The following TANGO6 variants were observed in gnomAD, a reference collection of about 807,000 sequenced individuals.
The protein encoded by TANGO6 is transport and golgi organization 6 homolog, also known as transport and Golgi organization protein 6 homolog.
TANGO6 carries 90 observed loss-of-function variants against 114.2 expected under a neutral mutation model. The observed-to-expected ratio is 0.79, with a 90% CI of 0.66 to 0.94. TANGO6 has a LOEUF of 0.94. Ranked by LOEUF, TANGO6 falls within the 40% of genes least tolerant of loss-of-function variation. The pLI is 0.00. For missense variants in TANGO6, 1,274 were observed against 1,315.3 expected (o/e 0.97, Z 0.49); for synonymous variants, 477 against 509.8 (o/e 0.94, Z 0.87).
chr16:68,891,560 A>T (rs1962621628), intron 7 of TANGO6, among the ~76,000 whole-genome samples: 2 of 152,138 alleles, frequency 1.3e-5, no homozygotes, highest in South Asian at 4.1e-4. Context: ...TTTATTCTTA[A>T]TGTTTTTGAC....
intron 15 of TANGO6, among the ~76,000 whole-genome samples, chr16:68,976,593 AT>A (rs1437096137): frequency 6.6e-6 from 1 of 152,238 alleles, no homozygotes; most frequent in Non-Finnish European, 1.5e-5. Context: ...AGATTCATTT[AT>A]TTAACCTGTG....
At chr16:69,007,314 G>C (rs1186327285) in intron 15 of TANGO6, among the ~76,000 whole-genome samples, 1 of 141,990 alleles carries the variant, frequency 7.0e-6, no homozygotes, top group Non-Finnish European at 1.5e-5. Context: ...CTGTCACCCA[G>C]GCTGGAGTGC....
intron 14 of TANGO6, among the ~76,000 whole-genome samples, chr16:68,939,590 T>C (rs940218668): frequency 6.6e-6 from 1 of 151,932 alleles, no homozygotes. Flanking sequence ...TTTTTTTTTT[T>C]TTTTTGCCAT....
At chr16:68,922,422 G>A (rs1253976333) in intron 12 of TANGO6, among the ~76,000 whole-genome samples, 1 of 152,070 alleles carries the variant, frequency 6.6e-6, no homozygotes, top group African/African-American at 2.4e-5. Context: ...TATAATCCCA[G>A]CTACTTGGGA....
At chr16:68,909,608 C>T (rs1962897289) in intron 11 of TANGO6, 2 of 396,048 alleles carry the variant, frequency 5.0e-6, no homozygotes, top group South Asian at 1.4e-4. Context: ...GTTTAACAAG[C>T]TCCCGAGGTG....
At chr16:68,860,639 C>A in intron 2 of TANGO6, 115 bp downstream of exon 2, 1 of 1,271,464 alleles carries the variant, frequency 7.9e-7, no homozygotes, top group Non-Finnish European at 1.1e-6. Flanking sequence ...CTGGATATGC[C>A]AAAGCATATC....
intron 15 of TANGO6, among the ~76,000 whole-genome samples, chr16:68,989,448 T>G (rs930417681): frequency 1.3e-5 from 2 of 152,164 alleles, no homozygotes; most frequent in African/African-American, 4.8e-5. Context: ...TATTTTGCAT[T>G]TCTAGAATTT....
intron 15 of TANGO6, among the ~76,000 whole-genome samples, chr16:68,980,867 C>T (rs1356517293): frequency 9.9e-5 from 15 of 151,680 alleles, no homozygotes; most frequent in Non-Finnish European, 4.4e-5. Context: ...TAGTGGCGGG[C>T]GCCTGTAGTG....
intron 14 of TANGO6, among the ~76,000 whole-genome samples, chr16:68,947,182 G>A (rs902025604): frequency 1.3e-5 from 2 of 152,114 alleles, no homozygotes; most frequent in African/African-American, 4.8e-5. Flanking sequence ...TAAAGGCTGG[G>A]CGCAGTGGCT....
intron 11 of TANGO6, among the ~76,000 whole-genome samples, chr16:68,917,226 T>G (rs1223664233): frequency 6.6e-6 from 1 of 152,174 alleles, no homozygotes; most frequent in Non-Finnish European, 1.5e-5. Flanking sequence ...TCCATGTCTT[T>G]TCATAGCTTG....
rs560249080 is a variant in TANGO6 at position 68,917,707 on chromosome 16, AT to A, written c.1993-1374del. ...TCATATGCTTTTTTGCCGTCTGTATATTTTCTTTGGTGAGATGTCGGTTCAG... is the reference window on the plus strand; with the variant it reads ...TCATATGCTTTTTTGCCGTCTGTATATTTCTTTGGTGAGATGTCGGTTCAG... On this transcript the variant is annotated intron_variant, in intron 11 of 17. Transcript: ENST00000261778. Among the ~76,000 whole-genome samples, 624 of 151,920 alleles carry A rather than the reference AT, an allele frequency of 4.1e-3. 5 individuals carry two copies. The highest frequency in any genetic ancestry group is 0.014 in the African/African-American group (594 of 41,446).
intron 15 of TANGO6, among the ~76,000 whole-genome samples, chr16:68,980,970 G>A (rs185800343): frequency 6.6e-6 from 1 of 152,002 alleles, no homozygotes; most frequent in African/African-American, 2.4e-5. Context: ...CTACAGCCTG[G>A]TCAACAGAGT....
intron 17 of TANGO6, among the ~76,000 whole-genome samples, chr16:69,081,958 G>A (rs1443517993): frequency 6.8e-6 from 1 of 148,120 alleles, no homozygotes; most frequent in East Asian, 2.0e-4. Context: ...CTCGCCCTCT[G>A]AGTAGCTGAG....
At position 68,927,886 on chromosome 16, in the gene TANGO6, A is replaced by G; in HGVS notation, c.2446A>G (p.Ile816Val). ...QTGLQSNAPI[I>V]PQGVNEPSTT... ...AGGCCTGCAGTCAAATGCTCCAATC[A>G]TTCCTCAAGGAGTCAATGAGCCCAG... Residue 816 changes from isoleucine to valine, a missense_variant, in exon 13 of 18, where the codon ATT (isoleucine) becomes GTT (valine). Ile to Val is a conservative substitution (Grantham distance 29, BLOSUM62 3). Coordinates refer to ENST00000261778, the MANE Select transcript of TANGO6 (RefSeq NM_024562.2). 1 of 1,613,946 alleles carries G rather than the reference A, an allele frequency of 6.2e-7. No individual in the cohort carries two copies. The highest frequency in any genetic ancestry group is 8.5e-7 in the Non-Finnish European group (1 of 1,179,858).
chr16:69,078,091 G>T (rs1567571986), intron 17 of TANGO6, among the ~76,000 whole-genome samples: 2 of 152,134 alleles, frequency 1.3e-5, no homozygotes, highest in South Asian at 2.1e-4. Context: ...GGGTATAAGA[G>T]TCCTAGGAAG....
intron 6 of TANGO6, among the ~76,000 whole-genome samples, chr16:68,879,619 CTT>C (rs201622523): frequency 0.1 from 14,373 of 139,870 alleles, 770 homozygotes; most frequent in Non-Finnish European, 0.14. Context: ...CATTTTCTTT[CTT>C]TTTTTTTTTT....
At chr16:69,039,696 C>G (rs1959744889) in intron 16 of TANGO6, among the ~76,000 whole-genome samples, 1 of 152,194 alleles carries the variant, frequency 6.6e-6, no homozygotes, top group African/African-American at 2.4e-5. Context: ...AAGTCCTATT[C>G]CATATTCAGG....
chr16:69,032,429 C>G (rs1954054239), intron 16 of TANGO6, among the ~76,000 whole-genome samples: 1 of 151,824 alleles, frequency 6.6e-6, no homozygotes, highest in Non-Finnish European at 1.5e-5. Flanking sequence ...CCATGCCCAG[C>G]TAATTTTTTT....
chr16:68,920,162 C>T (rs903786403), intron 12 of TANGO6, among the ~76,000 whole-genome samples: 8 of 152,134 alleles, frequency 5.3e-5, no homozygotes, highest in South Asian at 4.1e-4. Flanking sequence ...AACTTGCAGT[C>T]CAGTAAGGAA....
Sources: gnomAD v4.1 joint callset for allele counts (sites outside exome capture counted in the v4.1 genomes callset) on GRCh38, gnomAD v4.1.1 for gene constraint, MANE v1.5 for transcripts, NCBI Gene and HGNC (gene_info 2026-07-23, HGNC 2026-07-21) for gene names.